Variants in SNTG2 observed in about 807,000 individuals in gnomAD.
SNTG2 encodes gamma-2-syntrophin.
SNTG2 carries 74 observed loss-of-function variants against 70.9 expected under a neutral mutation model. The ratio of observed to expected loss-of-function variants is 1.04; its 90% CI spans 0.86 to 1.27. The LOEUF (loss-of-function observed/expected upper bound fraction) is 1.27, where lower values mean the gene tolerates loss of function less well. SNTG2 is among the 50% of genes most tolerant of loss of function. SNTG2 has a pLI of 0.00. For missense variants in SNTG2, 717 were observed against 690.7 expected (o/e 1.04, Z -0.43); for synonymous variants, 278 against 273.8 (o/e 1.02, Z -0.15).
intron 6 of SNTG2, among the ~76,000 whole-genome samples, chr2:1,143,553 G>A (rs768966966): frequency 4.6e-5 from 7 of 151,794 alleles, no homozygotes; most frequent in Non-Finnish European, 8.8e-5. Flanking sequence ...GGAATGCAAA[G>A]GGCAGAGAGT....
chr2:1,319,150 G>A (rs1681414981), intron 16 of SNTG2, among the ~76,000 whole-genome samples: 1 of 152,178 alleles, frequency 6.6e-6, no homozygotes, highest in South Asian at 2.1e-4. Flanking sequence ...GGTCACCTAA[G>A]ACAGAGAGGC....
chr2:1,087,006 A>G (rs1344899074), intron 2 of SNTG2, among the ~76,000 whole-genome samples: 2 of 152,130 alleles, frequency 1.3e-5, no homozygotes, highest in East Asian at 1.9e-4. Flanking sequence ...ATGGAGGGAA[A>G]TGGGCCTGGA....
chr2:959,843 AT>A (rs1447330155), intron 1 of SNTG2, among the ~76,000 whole-genome samples: 1 of 151,754 alleles, frequency 6.6e-6, no homozygotes. Flanking sequence ...GTGGCATGGT[AT>A]CCGTATCTCA....
At chr2:1,237,859 G>T in intron 9 of SNTG2, 29 bp from the exon 10 acceptor site, 7 of 1,580,900 alleles carry the variant, frequency 4.4e-6, no homozygotes, top group Non-Finnish European at 5.2e-6. Context: ...TCGCTGCGGG[G>T]CCTCCTGGAC....
rs370035728 is a variant in SNTG2 at position 1,233,239 on chromosome 2, A to C, written c.720-4649A>C. ...AATTTTATAGTTACTGGAATCCCACAGCACAAGGGAAGCAGAAGGTTGGAA... is the reference window on the plus strand; with the variant it reads ...AATTTTATAGTTACTGGAATCCCACCGCACAAGGGAAGCAGAAGGTTGGAA... On this transcript the variant is annotated intron_variant, in intron 9 of 16. Transcript: ENST00000308624. Among the ~76,000 whole-genome samples, 6 of 152,352 alleles carry C rather than the reference A, an allele frequency of 3.9e-5. No homozygotes were observed. The East Asian group carries it at 1.2e-3, about 29-fold the overall frequency.
chr2:1,351,684 A>G (rs1487087921), intron 16 of SNTG2, among the ~76,000 whole-genome samples: 1 of 152,056 alleles, frequency 6.6e-6, no homozygotes, highest in Admixed American at 6.5e-5. Flanking sequence ...TTTCTCTGTC[A>G]CCAGTTGTTT....
At chr2:956,165 G>T (rs1660142961) in intron 1 of SNTG2, among the ~76,000 whole-genome samples, 1 of 25,846 alleles carries the variant, frequency 3.9e-5, no homozygotes, top group African/African-American at 1.4e-4. Context: ...CCCCTGCCCT[G>T]CACCTACCCC....
intron 1 of SNTG2, among the ~76,000 whole-genome samples, chr2:1,061,229 C>T (rs991130429): frequency 3.3e-5 from 5 of 152,096 alleles, no homozygotes; most frequent in African/African-American, 1.2e-4. Flanking sequence ...AGAGATGTGA[C>T]AGCACAAAGC....
At chr2:1,321,448 G>T (rs768180663) in intron 16 of SNTG2, among the ~76,000 whole-genome samples, 3 of 152,156 alleles carry the variant, frequency 2.0e-5, no homozygotes, top group African/African-American at 7.2e-5. Flanking sequence ...AAGATTGGGC[G>T]TGGGCACCTG....
At chr2:1,181,798 A>G (rs952842199) in intron 8 of SNTG2, among the ~76,000 whole-genome samples, 1 of 152,190 alleles carries the variant, frequency 6.6e-6, no homozygotes, top group Non-Finnish European at 1.5e-5. Flanking sequence ...TCTAGTTGCC[A>G]CATATCCTTT....
chr2:1,278,555 G>A lies in SNTG2; in HGVS notation c.1284+10984G>A, dbSNP rs144832158. Among the ~76,000 whole-genome samples the A allele has an allele frequency of 5.3e-3, 814 of 152,250 alleles. 7 individuals carry two copies. The highest frequency in any genetic ancestry group is 0.016 in the African/African-American group (659 of 41,552). ...TTTAAAAAAATTTTAGATTCCTTAC[G>A]CATCTTACAAGCCTCAATTCTGTTT... On this transcript the variant is annotated intron_variant, in intron 14 of 16. Transcript: ENST00000308624.
rs183277243 is a variant in SNTG2, at chr2:1,084,326, G to A, written c.210+671G>A. On this transcript the variant is annotated intron_variant, in intron 2 of 16. Transcript: ENST00000308624. ...GGTGCAGATGTTAGCAAAGTATGAC[G>A]GGTTTCCCGAGAAGGTCCACAAAGA... Among the ~76,000 whole-genome samples, 37 of 152,252 alleles carry A rather than the reference G, an allele frequency of 2.4e-4. No individual in the cohort carries two copies. In the East Asian group the frequency reaches 4.6e-3, roughly 19 times the overall value.
intron 8 of SNTG2, among the ~76,000 whole-genome samples, chr2:1,183,087 T>C (rs187915176): frequency 1.4e-4 from 21 of 152,302 alleles, no homozygotes; most frequent in Admixed American, 1.4e-3. Flanking sequence ...AACCATAGAT[T>C]CGTTTTGCCT....
chr2:1,150,043 A>G (rs949947055), intron 6 of SNTG2, among the ~76,000 whole-genome samples: 1 of 152,228 alleles, frequency 6.6e-6, no homozygotes, highest in South Asian at 2.1e-4. Context: ...GCACTCACAG[A>G]TGAAATAATG....
intron 4 of SNTG2, among the ~76,000 whole-genome samples, chr2:1,101,324 T>A (rs1665768299): frequency 6.6e-6 from 1 of 152,144 alleles, no homozygotes; most frequent in African/African-American, 2.4e-5. Context: ...CTTACATGGT[T>A]CCTCCCTGCA....
At chr2:1,348,784 T>G (rs1660431518) in intron 16 of SNTG2, among the ~76,000 whole-genome samples, 1 of 152,258 alleles carries the variant, frequency 6.6e-6, no homozygotes, top group African/African-American at 2.4e-5. Flanking sequence ...TCAAATATTT[T>G]ACAGAGTTTG....
At chr2:1,298,746 G>A (rs1371600896) in intron 14 of SNTG2, among the ~76,000 whole-genome samples, 5 of 152,184 alleles carry the variant, frequency 3.3e-5, no homozygotes, top group Admixed American at 6.5e-5. Flanking sequence ...TCCTGGGTGT[G>A]TCTGTGAAGG....
At chr2:1,024,673 C>T (rs1446605256) in intron 1 of SNTG2, among the ~76,000 whole-genome samples, 6 of 152,220 alleles carry the variant, frequency 3.9e-5, no homozygotes, top group East Asian at 1.9e-4. Context: ...CGTGCCCACC[C>T]AAGACTATTT....
intron 11 of SNTG2, among the ~76,000 whole-genome samples, chr2:1,240,047 G>A (rs912092104): frequency 6.6e-6 from 1 of 152,146 alleles, no homozygotes; most frequent in Non-Finnish European, 1.5e-5. Context: ...GTTATGTTTT[G>A]TAAAGAATCG....
Sources: allele counts gnomAD v4.1 joint callset (sites outside exome capture counted in the v4.1 genomes callset), GRCh38; gene constraint gnomAD v4.1.1; transcripts MANE v1.5; gene names NCBI Gene and HGNC (gene_info 2026-07-23, HGNC 2026-07-21).